MSTO1: variants seen among roughly 807,000 people sequenced by gnomAD.
The protein encoded by MSTO1 is protein misato homolog 1.
In MSTO1, 24 loss-of-function variants were observed where a neutral mutation model predicts 55.7. The ratio of observed to expected loss-of-function variants is 0.43; its 90% CI spans 0.31 to 0.61. MSTO1 has a LOEUF of 0.61. MSTO1 is among the 20% of genes least tolerant of loss of function. The probability of loss-of-function intolerance (pLI) is 0.09; values close to 1 mark genes in which losing one functional copy is unlikely to be tolerated. For missense variants in MSTO1, 363 were observed against 625.7 expected (o/e 0.58, Z 4.48); for synonymous variants, 162 against 252.8 (o/e 0.64, Z 3.41).
At chr1:155,573,644 C>A in the MSTO1 span, among the ~76,000 whole-genome samples, 1 of 151,856 alleles carries the variant, frequency 6.6e-6, no homozygotes, top group Non-Finnish European at 1.5e-5. Context: ...TTGAGACCAG[C>A]CTGGCCAACA....
chr1:155,589,169 A>G, the MSTO1 span, among the ~76,000 whole-genome samples: 1 of 152,004 alleles, frequency 6.6e-6, no homozygotes, highest in Non-Finnish European at 1.5e-5. Flanking sequence ...GTGGTGGCAC[A>G]CACCTGTAAT....
At chr1:155,588,034 C>T in the MSTO1 span, among the ~76,000 whole-genome samples, 5 of 151,620 alleles carry the variant, frequency 3.3e-5, no homozygotes, top group Non-Finnish European at 7.4e-5. Context: ...GGTGAAACCC[C>T]GTCTCTACTA....
At chr1:155,587,636 T>C in the MSTO1 span, among the ~76,000 whole-genome samples, 6 of 148,456 alleles carry the variant, frequency 4.0e-5, no homozygotes, top group African/African-American at 1.0e-4. Flanking sequence ...CCCAGCTACT[T>C]GGGAGGCTGA....
chr1:155,591,651 G>A, the MSTO1 span, among the ~76,000 whole-genome samples: 2 of 151,914 alleles, frequency 1.3e-5, no homozygotes, highest in Non-Finnish European at 2.9e-5. Context: ...TTAGCCAGGC[G>A]TGGTGGCGCA....
chr1:155,567,308 ATTTT>A, the MSTO1 span, among the ~76,000 whole-genome samples: 1 of 123,392 alleles, frequency 8.1e-6, no homozygotes. Flanking sequence ...AATTTTTGTA[ATTTT>A]TTTTTTTTTT....
the MSTO1 span, among the ~76,000 whole-genome samples, chr1:155,598,135 T>A: frequency 6.6e-6 from 1 of 151,616 alleles, no homozygotes; most frequent in Non-Finnish European, 1.5e-5. Flanking sequence ...CTTTTTTTTT[T>A]AGATGGAATT....
upstream of MSTO1, among the ~76,000 whole-genome samples, chr1:155,606,197 C>CATTTTTTTTTTTTTT (rs1558242399): frequency 3.8e-5 from 2 of 53,294 alleles, 1 homozygote; most frequent in African/African-American, 1.4e-4. Context: ...CCATGCCCAG[C>CATTTTTTTTTTTTTT]CTTTTTTTTT....
the MSTO1 span, among the ~76,000 whole-genome samples, chr1:155,585,539 A>G: frequency 6.6e-6 from 1 of 151,842 alleles, no homozygotes; most frequent in South Asian, 2.1e-4. Context: ...AAAAAAAAAA[A>G]AGAAAAGTGA....
the MSTO1 span, among the ~76,000 whole-genome samples, chr1:155,587,610 G>A: frequency 6.6e-6 from 1 of 151,744 alleles, no homozygotes; most frequent in African/African-American, 2.4e-5. Context: ...CGGGCGTGGT[G>A]GCGGGCGCCT....
At chr1:155,565,044 C>T in the MSTO1 span, among the ~76,000 whole-genome samples, 4 of 152,012 alleles carry the variant, frequency 2.6e-5, no homozygotes, top group African/African-American at 7.3e-5. Flanking sequence ...TTGCTTGAAC[C>T]CGGGAGGCAG....
the MSTO1 span, chr1:155,591,060 G>A: frequency 2.9e-5 from 47 of 1,613,684 alleles, no homozygotes; most frequent in Non-Finnish European, 3.7e-5. Flanking sequence ...CCAGCAGTGA[G>A]TCGTACACCT....
Position 155,612,426 on chromosome 1 carries a change from G to A in MSTO1, c.822G>A (p.Gln274=). The A allele has an allele frequency of 1.2e-6, 2 of 1,611,868 alleles. No individual in the cohort carries two copies. The highest frequency in any genetic ancestry group is 8.5e-7 in the Non-Finnish European group (1 of 1,178,916). Residue 274 remains glutamine (Q), a synonymous_variant, in exon 9 of 14, where the codon CAG becomes CAA. Transcript: ENST00000245564. ...LPGPYHRGEA[Q]RNIYRLLNTA... ...TACTCTTTCTTCACCAGGAGGCCCA[G>A]AGAAACATCTATCGTCTATTAAACA...
At chr1:155,600,265 C>A in the MSTO1 span, among the ~76,000 whole-genome samples, 2 of 152,216 alleles carry the variant, frequency 1.3e-5, no homozygotes, top group Admixed American at 1.3e-4. Context: ...TGACTCTTAA[C>A]GAGCATGCTG....
rs966673924 is a variant in MSTO1, at chr1:155,613,965, A to G, written c.1499-94A>G. The G allele has an allele frequency of 3.9e-6, 6 of 1,535,574 alleles. No homozygotes were observed. In the African/African-American group the frequency reaches 5.5e-5, roughly 14 times the overall value. On this transcript the variant is annotated intron_variant, in intron 13 of 13. Transcript: ENST00000245564. ...ACCAAATTTGTTGAGTTTACAATCA[A>G]GTCTACTAAGGTTGGACTTCCTTAT...
chr1:155,563,713 A>G, the MSTO1 span: 2 of 370,894 alleles, frequency 5.4e-6, no homozygotes, highest in South Asian at 2.0e-5. Flanking sequence ...TATTTTTGTT[A>G]GTTCCTTATC....
chr1:155,602,198 G>A, the MSTO1 span: 1 of 668,990 alleles, frequency 1.5e-6, no homozygotes, highest in Non-Finnish European at 2.9e-6. Context: ...GCACTTCCTG[G>A]CCGGGCTTTG....
the MSTO1 span, among the ~76,000 whole-genome samples, chr1:155,595,180 T>G: frequency 1.6e-4 from 23 of 147,326 alleles, no homozygotes; most frequent in East Asian, 6.0e-4. Context: ...TTTGTTGTTT[T>G]TTTTTTTTTT....
the MSTO1 span, among the ~76,000 whole-genome samples, chr1:155,603,602 A>C: frequency 6.6e-6 from 1 of 152,152 alleles, no homozygotes; most frequent in African/African-American, 2.4e-5. Flanking sequence ...TCACGTCTGT[A>C]ATCCCAGCAC....
the MSTO1 span, chr1:155,591,187 C>T: frequency 2.6e-5 from 42 of 1,612,674 alleles, no homozygotes; most frequent in Non-Finnish European, 3.1e-5. Flanking sequence ...ATGGGCAGGA[C>T]GCAGGAGACC....
Sources: gnomAD v4.1 joint callset for allele counts (sites outside exome capture counted in the v4.1 genomes callset) on GRCh38, gnomAD v4.1.1 for gene constraint, MANE v1.5 for transcripts, NCBI Gene and HGNC (gene_info 2026-07-23, HGNC 2026-07-21) for gene names.